Variants in TMOD4 observed in about 807,000 individuals in gnomAD.
TMOD4 encodes tropomodulin 4, also known as tropomodulin-4.
In TMOD4, 34 loss-of-function variants were observed where a neutral mutation model predicts 45.4. That is an observed-to-expected ratio of 0.75 (90% confidence interval 0.57 to 1.00). TMOD4 has a LOEUF of 1.00. TMOD4 is among the 50% of genes least tolerant of loss of function. The pLI, the probability that TMOD4 is intolerant of heterozygous loss-of-function variation, is 0.00. For missense variants in TMOD4, 399 were observed against 437.5 expected (o/e 0.91, Z 0.78); for synonymous variants, 131 against 153.9 (o/e 0.85, Z 1.10).
chr1:151,172,644 T>TC lies in TMOD4; in HGVS notation c.398-288dup, dbSNP rs587651328. Among the ~76,000 whole-genome samples the TC allele has an allele frequency of 2.0e-4, 30 of 151,944 alleles. No individual in the cohort carries two copies. The East Asian group carries it at 4.5e-3, about 23-fold the overall frequency. On this transcript the variant is annotated intron_variant, in intron 4 of 9. Transcript: ENST00000295314. ...TCAGCCAGAATGGTTCCACTTTTTT[T>TC]CCCCCCGAGACGGAGTCTCACTCTG...
At chr1:151,174,357 G>T in intron 3 of TMOD4, 34 bp downstream of exon 3, 1 of 1,605,188 alleles carries the variant, frequency 6.2e-7, no homozygotes, top group Non-Finnish European at 8.5e-7. Context: ...AGCCACTTGG[G>T]TTCTACGAGG....
intron 2 of TMOD4, 29 bp from the exon 3 acceptor site, chr1:151,174,576 A>T: frequency 6.2e-7 from 1 of 1,612,000 alleles, no homozygotes. Context: ...GGAGCAAGTC[A>T]GACCTCCCCT....
chr1:151,171,829 TTTTC>T lies in TMOD4; in HGVS notation c.488-70_488-67del. 4 of 1,538,712 alleles carry T rather than the reference TTTTC, an allele frequency of 2.6e-6. No homozygotes were observed. The South Asian group carries it at 5.0e-5, about 19-fold the overall frequency. On this transcript the variant is annotated intron_variant, in intron 5 of 9. Coordinates refer to ENST00000295314, the MANE Select transcript of TMOD4 (RefSeq NM_013353.3). Reference sequence around the variant, plus strand: ...CATAATCTCCTCCCCATTGGTTTTCTTTTCTTTTCTTTTTTTTTTTTTTTGAGAT... The same window carrying T: ...CATAATCTCCTCCCCATTGGTTTTCTTTTTCTTTTTTTTTTTTTTTGAGAT...
At chr1:151,173,849 C>T (rs990393462) in intron 3 of TMOD4, among the ~76,000 whole-genome samples, 2 of 151,790 alleles carry the variant, frequency 1.3e-5, no homozygotes, top group Admixed American at 6.6e-5. Flanking sequence ...GAGGCCGAGG[C>T]GGGTGGATCA....
rs777026091 is a variant in TMOD4 at position 151,170,530 on chromosome 1, T to A, written c.1004A>T (p.Asn335Ile). 6.2e-7 allele frequency: 1 copy of A among 1,614,220 alleles called. No homozygotes were observed. Among genetic ancestry groups the A allele is most frequent in the East Asian group, 2.2e-5 (1 of 44,890 alleles). ...RARAAQAMTR[N>I]NELRRQQKKR ...CTGCAGTTACTCACGTAGTTCATTGTTTCGGGTCATGGCCTGGGCTGCCCG... is the reference window on the plus strand; with the variant it reads ...CTGCAGTTACTCACGTAGTTCATTGATTCGGGTCATGGCCTGGGCTGCCCG... The change falls in exon 9 of 10, where the codon AAC becomes ATC. Residue 335 changes from asparagine (N) to isoleucine (I), a missense_variant. By Grantham distance (149) the Asn-to-Ile change is moderately radical. Transcript: ENST00000295314.
At chr1:151,174,667 G>GCAAA in intron 2 of TMOD4, 86 bp downstream of exon 2, 1 of 1,602,626 alleles carries the variant, frequency 6.2e-7, no homozygotes, top group Non-Finnish European at 8.5e-7. Context: ...AGGTCCTGTA[G>GCAAA]CAAACCCTAT....
rs768825328 is a variant in TMOD4 at position 151,172,360 on chromosome 1, G to A, written c.398-3C>T. Reference sequence around the variant, plus strand: ...CAGTGTGTACATGTCCAGAATTGCTGGAGAGGGTAAGAAGAGGAGTCACAG... The same window carrying A: ...CAGTGTGTACATGTCCAGAATTGCTAGAGAGGGTAAGAAGAGGAGTCACAG... On this transcript the variant is annotated splice_polypyrimidine_tract_variant and splice_region_variant and intron_variant, in intron 4 of 9. Transcript: ENST00000295314. The A allele has an allele frequency of 4.3e-6, 7 of 1,611,888 alleles. No individual in the cohort carries two copies. In the South Asian group the frequency reaches 5.5e-5, roughly 13 times the overall value.
Position 151,170,673 on chromosome 1 carries a change from G to A in TMOD4, c.871-10C>T. On this transcript the variant is annotated splice_polypyrimidine_tract_variant and intron_variant, in intron 8 of 9. Coordinates refer to ENST00000295314, the MANE Select transcript of TMOD4 (RefSeq NM_013353.3). ...CACCAGGCCACTGGCGCTGGGGGAGGGAGAGGCAAAAGCTGACAGTCACCC... is the reference window on the plus strand; with the variant it reads ...CACCAGGCCACTGGCGCTGGGGGAGAGAGAGGCAAAAGCTGACAGTCACCC... The A allele has an allele frequency of 6.2e-7, 1 of 1,613,728 alleles. No individual in the cohort carries two copies. Among genetic ancestry groups the A allele is most frequent in the Middle Eastern group, 1.7e-4 (1 of 6,058 alleles).
chr1:151,173,117 G>A (rs1011152912), intron 4 of TMOD4, among the ~76,000 whole-genome samples: 22 of 151,854 alleles, frequency 1.4e-4, no homozygotes, highest in African/African-American at 5.1e-4. Flanking sequence ...CACCGCACCC[G>A]GCCAGTTTTT....
chr1:151,171,910 C>A, intron 5 of TMOD4, 147 bp from the exon 6 acceptor site: 1 of 1,127,708 alleles, frequency 8.9e-7, no homozygotes, highest in East Asian at 2.6e-5. Context: ...AATCTCAACT[C>A]ACAGCAGCCT....
At chr1:151,170,400 C>T (rs1431606594) in intron 9 of TMOD4, 119 bp downstream of exon 9, 2 of 1,457,850 alleles carry the variant, frequency 1.4e-6, no homozygotes, top group Non-Finnish European at 9.4e-7. Flanking sequence ...TTGAAATTCT[C>T]ATATGAATAG....
intron 4 of TMOD4, among the ~76,000 whole-genome samples, chr1:151,172,695 C>T (rs989781293): frequency 2.0e-5 from 3 of 152,098 alleles, no homozygotes; most frequent in Admixed American, 6.6e-5. Flanking sequence ...TGCAGTGGTG[C>T]GATCTTGGCT....
chr1:151,174,300 T>C, intron 3 of TMOD4, 91 bp downstream of exon 3: 1 of 1,430,432 alleles, frequency 7.0e-7, no homozygotes, highest in Non-Finnish European at 9.6e-7. Flanking sequence ...AACTAGGAGC[T>C]GGAAGGTGAG....
intron 6 of TMOD4, 22 bp from the exon 7 acceptor site, chr1:151,171,562 T>C (rs757023935): frequency 1.9e-5 from 31 of 1,613,950 alleles, no homozygotes; most frequent in Non-Finnish European, 2.5e-5. Flanking sequence ...GAATAGGAGA[T>C]GGTGGGCTAA....
At chr1:151,172,726 G>A (rs587762673) in intron 4 of TMOD4, among the ~76,000 whole-genome samples, 58 of 152,256 alleles carry the variant, frequency 3.8e-4, no homozygotes, top group African/African-American at 1.3e-3. Flanking sequence ...TCCACCTCCC[G>A]GGTTCAAGCA....
chr1:151,170,735 T>G (rs918712675), intron 8 of TMOD4, 72 bp from the exon 9 acceptor site: 114 of 1,582,896 alleles, frequency 7.2e-5, no homozygotes, highest in Non-Finnish European at 9.1e-5. Flanking sequence ...CACAGACCCC[T>G]TTGGGAGGTC....
chr1:151,170,407 A>G, intron 9 of TMOD4, 112 bp downstream of exon 9: 1 of 1,487,916 alleles, frequency 6.7e-7, no homozygotes, highest in Non-Finnish European at 9.2e-7. Flanking sequence ...TCTCATATGA[A>G]TAGCTCTTTG....
At position 151,172,372 on chromosome 1, in the gene TMOD4, A is replaced by G. The variant is rs748977483; in HGVS notation, c.398-15T>C. 5 of 1,599,058 alleles carry G rather than the reference A, an allele frequency of 3.1e-6. No individual in the cohort carries two copies. Among genetic ancestry groups the G allele is most frequent in the Non-Finnish European group, 4.3e-6 (5 of 1,166,740 alleles). On this transcript the variant is annotated splice_polypyrimidine_tract_variant and intron_variant, in intron 4 of 9. Coordinates refer to ENST00000295314, the MANE Select transcript of TMOD4 (RefSeq NM_013353.3). ...GTCCAGAATTGCTGGAGAGGGTAAG[A>G]AGAGGAGTCACAGGGAATGAGAAGG...
chr1:151,175,092 T>C (rs961772722), intron 1 of TMOD4, 175 bp from the exon 2 acceptor site: 5 of 529,366 alleles, frequency 9.4e-6, no homozygotes, highest in Non-Finnish European at 1.7e-5. Flanking sequence ...AACTAGAGTC[T>C]CCTTTCTGCT....
Sources: allele counts gnomAD v4.1 joint callset (sites outside exome capture counted in the v4.1 genomes callset), GRCh38; gene constraint gnomAD v4.1.1; transcripts MANE v1.5; gene names NCBI Gene and HGNC (gene_info 2026-07-23, HGNC 2026-07-21).